CARS2: variants seen among roughly 807,000 people sequenced by gnomAD.
CARS2 encodes the protein probable cysteine--tRNA ligase, mitochondrial.
Under a neutral mutation model 68.8 loss-of-function variants are expected in CARS2, and 52 were observed. The observed-to-expected ratio is 0.76, with a 90% CI of 0.61 to 0.95. The LOEUF is 0.95. Ranked by LOEUF, CARS2 falls within the 40% of genes least tolerant of loss-of-function variation. The pLI, the probability that CARS2 is intolerant of heterozygous loss-of-function variation, is 0.00. For synonymous variants in CARS2, 314 were observed against 303.6 expected (o/e 1.03, Z -0.36); for missense variants, 780 against 754.2 (o/e 1.03, Z -0.40).
exon 1 of CARS2, chr13:110,713,389 G>A (rs2064061859): frequency 1.9e-6 from 2 of 1,038,378 alleles, no homozygotes; most frequent in Non-Finnish European, 2.3e-6. Flanking sequence ...GTTTCCCAGC[G>A]GGCGTGCTGT....
At chr13:110,650,897 C>G in intron 10 of CARS2, 137 bp downstream of exon 10, 1 of 668,956 alleles carries the variant, frequency 1.5e-6, no homozygotes, top group Non-Finnish European at 2.6e-6. Flanking sequence ...ACTCTCAACC[C>G]GAACCGTAAG....
chr13:110,688,047 T>C (rs372947439), intron 3 of CARS2, 29 bp from the exon 4 acceptor site: 7 of 1,527,292 alleles, frequency 4.6e-6, no homozygotes, highest in Admixed American at 1.7e-5. Context: ...TGCACGTTAA[T>C]GAGTCTGGGG....
intron 3 of CARS2, among the ~76,000 whole-genome samples, chr13:110,691,591 A>G (rs1566332468): frequency 6.6e-6 from 1 of 152,070 alleles, no homozygotes; most frequent in Non-Finnish European, 1.5e-5. Context: ...TGACGCCTCT[A>G]TCTACCTCTG....
At chr13:110,660,973 GCTGGTCTCGAACTCCTGACCTCATGAT>G (rs1270189905) in intron 9 of CARS2, among the ~76,000 whole-genome samples, 2 of 152,072 alleles carry the variant, frequency 1.3e-5, no homozygotes, top group African/African-American at 4.8e-5. Flanking sequence ...TGTTGACCAG[GCTGGTCTCGAACTCCTGACCTCATGAT>G]CTGCCCACCT....
rs191454045 is a variant in CARS2 at position 110,652,869 on chromosome 13, G to T, written c.988-1769C>A. ...TGTTTATTTCTGCCAGCCTTGCACC[G>T]AAATGGGTATTTCCTTCGATGGTCA... On this transcript the variant is annotated intron_variant, in intron 9 of 14. Transcript: ENST00000257347. Among the ~76,000 whole-genome samples, 11 of 152,250 alleles carry T rather than the reference G, an allele frequency of 7.2e-5. No individual in the cohort carries two copies. In the East Asian group the frequency reaches 2.1e-3, roughly 29 times the overall value.
In CARS2 at chr13:110,701,541, A is replaced by C; in HGVS notation, c.290T>G (p.Phe97Cys). ...GGTTAGGATCCTTCGAATGATATCAAATCTAACATATGAGCTGAAAGAAAA... is the reference window on the plus strand; with the variant it reads ...GGTTAGGATCCTTCGAATGATATCACATCTAACATATGAGCTGAAAGAAAA... ...HLGHACSYVR[F>C]DIIRRILTKV... The change falls in exon 3 of 15, where the codon TTT (phenylalanine) becomes TGT (cysteine). Residue 97 changes from phenylalanine (F) to cysteine (C), a missense_variant. Phe to Cys is a radical substitution (Grantham distance 205, BLOSUM62 -2). Coordinates refer to ENST00000257347, the MANE Select transcript of CARS2 (RefSeq NM_024537.4). 1 of 1,505,722 alleles carries C rather than the reference A, an allele frequency of 6.6e-7. No individual in the cohort carries two copies. The highest frequency in any genetic ancestry group is 9.3e-7 in the Non-Finnish European group (1 of 1,081,058). The allele number at this position is 1,505,722 out of a possible 1,614,324, so 93.3% of individuals were successfully genotyped here. A position where few individuals can be genotyped will look rare whatever the true frequency, so the allele number is the denominator to read the frequency against.
At chr13:110,659,712 C>T (rs1009954766) in intron 9 of CARS2, among the ~76,000 whole-genome samples, 3 of 152,152 alleles carry the variant, frequency 2.0e-5, no homozygotes, top group Non-Finnish European at 4.4e-5. Context: ...AATGTACGTA[C>T]CTTAATGAAA....
exon 1 of CARS2, chr13:110,713,478 G>A: frequency 1.0e-6 from 1 of 988,826 alleles, no homozygotes; most frequent in African/African-American, 1.7e-5. Context: ...ACACCCCAGC[G>A]GCCCTGACGC....
chr13:110,683,844 C>T (rs1594359675), intron 5 of CARS2, among the ~76,000 whole-genome samples: 1 of 152,246 alleles, frequency 6.6e-6, no homozygotes, highest in East Asian at 1.9e-4. Context: ...TAGTGAGACC[C>T]CATCTCTACC....
chr13:110,671,931 C>T (rs2062814220), intron 7 of CARS2, among the ~76,000 whole-genome samples: 1 of 152,128 alleles, frequency 6.6e-6, no homozygotes. Flanking sequence ...TCTGATAAAA[C>T]AGACTTTAAA....
At chr13:110,643,471 GAGAGCCAGCGAGACATGTTTGGCCC>G (rs1178728005) in intron 13 of CARS2, 1 of 153,500 alleles carries the variant, frequency 6.5e-6, no homozygotes, top group African/African-American at 2.4e-5. Flanking sequence ...GTTCTCTGTT[GAGAGCCAGCGAGACATGTTTGGCCC>G]AGAGCCAGGC....
chr13:110,642,687 C>T (rs370709222), intron 13 of CARS2, 166 bp from the exon 14 acceptor site: 72 of 781,250 alleles, frequency 9.2e-5, no homozygotes, highest in African/African-American at 7.1e-4. Context: ...GTACAGCCCG[C>T]GAGCGCTGGG....
At position 110,706,023 on chromosome 13, in the gene CARS2, G is replaced by A. The variant is rs990590876; in HGVS notation, c.71C>T (p.Ala24Val). ...CCGGCCCGCAGGCCAGTGCCACCCA[G>A]CCCGCCCAAGGCCCAGCGCGGCCTG... ...LLQAALGLGR[A>V]GWHWPAGRAA... Residue 24 changes from alanine (A) to valine (V), a missense_variant, in exon 1 of 15, where the codon GCT becomes GTT. Coordinates refer to ENST00000257347, the MANE Select transcript of CARS2 (RefSeq NM_024537.4). 4.7e-5 allele frequency: 68 copies of A among 1,433,114 alleles called. No individual in the cohort carries two copies. Among genetic ancestry groups the A allele is most frequent in the African/African-American group, 7.5e-5 (5 of 66,834 alleles). The allele number at this position is 1,433,114 out of a possible 1,614,324, so 88.8% of individuals were successfully genotyped here.
chr13:110,701,324 A>G, intron 3 of CARS2, 114 bp downstream of exon 3: 2 of 639,882 alleles, frequency 3.1e-6, no homozygotes, highest in East Asian at 2.7e-5. Context: ...TTGGCCTCCC[A>G]AAGTGCTGGG....
rs2139709760 is a variant in CARS2, at chr13:110,653,474, C to CGG, written c.988-2375_988-2374insCC. Among the ~76,000 whole-genome samples the CGG allele has an allele frequency of 6.6e-6, 1 of 152,318 alleles. No individual in the cohort carries two copies. The highest frequency in any genetic ancestry group is 2.4e-5 in the African/African-American group (1 of 41,570). On this transcript the variant is annotated intron_variant, in intron 9 of 14. Transcript: ENST00000257347. This position sits in a 1 kb window ranked among gnomAD's most constrained non-coding sequence, Gnocchi z 5.6. ...TTCAGGTTGCGCCCTATTTAGGTCT[C>CGG]CGGGTTTCGGTGTGGAAACACCACT...
At chr13:110,687,652 C>T in intron 5 of CARS2, 69 bp downstream of exon 5, 1 of 984,350 alleles carries the variant, frequency 1.0e-6, no homozygotes, top group Admixed American at 2.2e-5. Flanking sequence ...GCACTCCAGC[C>T]TGGGTGACAG....
chr13:110,712,887 C>T (rs775112565), intron 1 of CARS2: 7 of 1,423,982 alleles, frequency 4.9e-6, no homozygotes, highest in South Asian at 4.9e-5. Flanking sequence ...AACTGAGTAC[C>T]GGGAGACGAC....
upstream of CARS2, among the ~76,000 whole-genome samples, chr13:110,709,141 G>C (rs369584992): frequency 6.6e-6 from 1 of 150,716 alleles, no homozygotes; most frequent in African/African-American, 2.4e-5. Flanking sequence ...GTGCAATGGC[G>C]TGATCTCCTG....
intron 8 of CARS2, chr13:110,664,188 C>T: frequency 8.1e-6 from 8 of 985,368 alleles, no homozygotes; most frequent in Non-Finnish European, 9.6e-6. Flanking sequence ...AAGACTCTTC[C>T]TCTTTTTCTG....
Sources: allele counts gnomAD v4.1 joint callset (sites outside exome capture counted in the v4.1 genomes callset), GRCh38; gene constraint gnomAD v4.1.1; non-coding constraint Gnocchi (gnomAD v3.1); transcripts MANE v1.5; gene names NCBI Gene and HGNC (gene_info 2026-07-23, HGNC 2026-07-21).